The following PIK3C2G variants were observed in gnomAD, a reference collection of about 807,000 sequenced individuals.
The protein encoded by PIK3C2G is phosphatidylinositol 3-kinase C2 domain-containing subunit gamma.
A neutral mutation model predicts 181.1 loss-of-function variants in PIK3C2G; 168 were observed. The ratio of observed to expected loss-of-function variants is 0.93; its 90% confidence interval spans 0.82 to 1.05. The LOEUF (loss-of-function observed/expected upper bound fraction) is 1.05. Among genes scored for constraint, PIK3C2G ranks in the 50% least tolerant of loss-of-function variants. The pLI, the probability that PIK3C2G is intolerant of heterozygous loss-of-function variation, is 0.00. For synonymous variants in PIK3C2G, 573 were observed against 592.2 expected (o/e 0.97, Z 0.47); for missense variants, 1,869 against 1,732.8 (o/e 1.08, Z -1.40).
chr12:18,536,010 A>C (rs926282954), intron 24 of PIK3C2G, among the ~76,000 whole-genome samples: 1 of 152,042 alleles, frequency 6.6e-6, no homozygotes, highest in African/African-American at 2.4e-5. Flanking sequence ...CCTAATGTTA[A>C]ATGAAGAGTT....
At chr12:18,471,904 TATTA>T (rs755389653) in intron 18 of PIK3C2G, among the ~76,000 whole-genome samples, 10 of 152,136 alleles carry the variant, frequency 6.6e-5, no homozygotes, top group Non-Finnish European at 2.9e-5. Flanking sequence ...AAACTTTGGA[TATTA>T]ATTAATAATG....
chr12:18,581,579 C>T (rs778810144), intron 29 of PIK3C2G, among the ~76,000 whole-genome samples: 1 of 152,166 alleles, frequency 6.6e-6, no homozygotes, highest in Non-Finnish European at 1.5e-5. Flanking sequence ...CAAGCTTGCA[C>T]TGGCTGAACA....
In PIK3C2G at chr12:18,592,235, C is replaced by T. The variant is rs553111840; in HGVS notation, c.4012-2259C>T. 2.2e-4 allele frequency among the ~76,000 whole-genome samples: 33 copies of T among 151,824 alleles called. No homozygotes were observed. The South Asian group carries it at 4.4e-3, about 20-fold the overall frequency. On this transcript the variant is annotated intron_variant, in intron 29 of 32. Coordinates refer to ENST00000538779, the MANE Select transcript of PIK3C2G (RefSeq NM_001288772.2). ...ACCATAATATTACCCAGAAAGGATA[C>T]ATTAGAGTAATAAGAGAGATGGGCC... is the stretch of plus-strand genomic sequence containing the variant.
intron 24 of PIK3C2G, among the ~76,000 whole-genome samples, chr12:18,514,265 G>A (rs1942388714): frequency 6.6e-6 from 1 of 151,792 alleles, no homozygotes. Flanking sequence ...CTATCCTGGA[G>A]AATGTTTCAT....
intron 18 of PIK3C2G, among the ~76,000 whole-genome samples, chr12:18,475,408 A>ACACC (rs1283865784): frequency 5.4e-5 from 8 of 148,854 alleles, no homozygotes; most frequent in Admixed American, 3.4e-4. Context: ...ACACACACAC[A>ACACC]CCATTTTTTT....
upstream of PIK3C2G, among the ~76,000 whole-genome samples, chr12:18,246,382 G>A (rs890427360): frequency 6.6e-6 from 1 of 152,070 alleles, no homozygotes; most frequent in Non-Finnish European, 1.5e-5. Context: ...AGTACTTCTG[G>A]CTGTGAATCT....
chr12:18,249,767 T>C (rs1281941228), intron 1 of PIK3C2G, among the ~76,000 whole-genome samples: 3 of 121,952 alleles, frequency 2.5e-5, no homozygotes, highest in Non-Finnish European at 5.4e-5. Flanking sequence ...AAATTGAAAA[T>C]CTTCTGCTAA....
In PIK3C2G at chr12:18,409,318, G is replaced by A. The variant is rs115143396; in HGVS notation, c.2315+9471G>A. Among the ~76,000 whole-genome samples the A allele has an allele frequency of 7.0e-3, 1,064 of 152,198 alleles. 6 individuals are homozygous for A. The highest frequency in any genetic ancestry group is 0.019 in the African/African-American group (778 of 41,536). On this transcript the variant is annotated intron_variant, in intron 16 of 32. Coordinates refer to ENST00000538779, the MANE Select transcript of PIK3C2G (RefSeq NM_001288772.2). ...GAGAACAGAAAACTAAACCCCAACT[G>A]TTCTCGCTTGTAAGTGGGGGTTGAA...
At chr12:18,445,216 G>GA (rs1367867012) in intron 18 of PIK3C2G, among the ~76,000 whole-genome samples, 1 of 151,928 alleles carries the variant, frequency 6.6e-6, no homozygotes, top group Non-Finnish European at 1.5e-5. Context: ...AATAGGTGTT[G>GA]TATATCATCT....
intron 31 of PIK3C2G, among the ~76,000 whole-genome samples, chr12:18,628,298 G>C (rs79897284): frequency 6.6e-6 from 1 of 152,184 alleles, no homozygotes; most frequent in African/African-American, 2.4e-5. Context: ...AAATACTGAA[G>C]AGTTGCTGGC....
the PIK3C2G span, among the ~76,000 whole-genome samples, chr12:18,672,875 C>T: frequency 6.6e-6 from 1 of 152,078 alleles, no homozygotes; most frequent in African/African-American, 2.4e-5. Context: ...GCAAGGTGAG[C>T]AGGATGGAGG....
At chr12:18,684,052 G>T in the PIK3C2G span, 2 of 1,484,532 alleles carry the variant, frequency 1.3e-6, no homozygotes, top group Non-Finnish European at 1.9e-6. Flanking sequence ...GAGCTATTTG[G>T]TATGTCAAAA....
At chr12:18,599,799 G>T (rs1001629871) in intron 30 of PIK3C2G, among the ~76,000 whole-genome samples, 1 of 151,754 alleles carries the variant, frequency 6.6e-6, no homozygotes, top group Non-Finnish European at 1.5e-5. Context: ...TCAATCAGAG[G>T]TCACAATCTT....
At chr12:18,286,242 T>C (rs1336656520) in intron 2 of PIK3C2G, among the ~76,000 whole-genome samples, 1 of 152,070 alleles carries the variant, frequency 6.6e-6, no homozygotes, top group Non-Finnish European at 1.5e-5. Context: ...TCCCAAGCTA[T>C]TCATGCATAT....
intron 23 of PIK3C2G, among the ~76,000 whole-genome samples, chr12:18,504,514 A>G (rs943723699): frequency 2.0e-5 from 3 of 152,166 alleles, no homozygotes; most frequent in African/African-American, 7.2e-5. Context: ...GCACCCTAGC[A>G]TGTAGCCTGG....
At chr12:18,512,054 A>C (rs554251665) in intron 24 of PIK3C2G, among the ~76,000 whole-genome samples, 2 of 152,056 alleles carry the variant, frequency 1.3e-5, no homozygotes, top group African/African-American at 4.8e-5. Context: ...ATCAAACACA[A>C]TTTATTGAAA....
rs139414211 is a variant in PIK3C2G, at chr12:18,433,809, T to C, written c.2504+9770T>C. Among the ~76,000 whole-genome samples the C allele has an allele frequency of 7.8e-4, 118 of 152,212 alleles. 1 individual carries two copies. Among genetic ancestry groups the C allele is most frequent in the African/African-American group, 2.8e-3 (117 of 41,554 alleles). On this transcript the variant is annotated intron_variant, in intron 18 of 32. Coordinates refer to ENST00000538779, the MANE Select transcript of PIK3C2G (RefSeq NM_001288772.2). Reference sequence around the variant, plus strand: ...AGGATGGGAAAGAACATGACAATAATAAAATGTAGGCAAATGAGTGTTTGG... The same window carrying C: ...AGGATGGGAAAGAACATGACAATAACAAAATGTAGGCAAATGAGTGTTTGG...
intron 1 of PIK3C2G, among the ~76,000 whole-genome samples, chr12:18,277,628 C>T (rs2137093044): frequency 6.6e-6 from 1 of 152,204 alleles, no homozygotes; most frequent in African/African-American, 2.4e-5. Context: ...TGTAGATATT[C>T]TTAGTAATGT....
intron 16 of PIK3C2G, among the ~76,000 whole-genome samples, chr12:18,419,895 A>T (rs1945382877): frequency 6.6e-6 from 1 of 152,154 alleles, no homozygotes; most frequent in African/African-American, 2.4e-5. Context: ...ACCCTTCAGT[A>T]ACCTGATATG....
Sources: gnomAD v4.1 joint callset for allele counts (sites outside exome capture counted in the v4.1 genomes callset) on GRCh38, gnomAD v4.1.1 for gene constraint, MANE v1.5 for transcripts, NCBI Gene and HGNC (gene_info 2026-07-23, HGNC 2026-07-21) for gene names.